The following UBE2W variants were observed in gnomAD, a reference collection of about 807,000 sequenced individuals.
UBE2W encodes ubiquitin conjugating enzyme E2 W.
In UBE2W, 18 loss-of-function variants were observed where a neutral mutation model predicts 27.2. The observed-to-expected ratio is 0.66, with a 90% CI of 0.46 to 0.98. The LOEUF is 0.98. Among genes scored for constraint, UBE2W ranks in the 50% least tolerant of loss-of-function variants. The pLI is 0.00. For synonymous variants in UBE2W, 53 were observed against 57.2 expected, an observed-to-expected ratio of 0.93 and a Z score of 0.33; for missense variants, 90 against 180.2, an observed-to-expected ratio of 0.50 and a Z score of 2.87.
At chr8:73,795,795 T>C in intron 5 of UBE2W, 2 of 984,922 alleles carry the variant, frequency 2.0e-6, no homozygotes, top group African/African-American at 1.7e-5. Flanking sequence ...ACTCACAATT[T>C]TCTTGGCAAT....
chr8:73,793,941 A>G lies in UBE2W; in HGVS notation c.*161T>C. ...TGCCTGGACTGAACCAGCGATCAAC[A>G]TGCGCCCAGAATGCACACGAGTAAA... On this transcript the variant is annotated 3_prime_UTR_variant, in exon 6 of 6. Coordinates refer to ENST00000602593, the MANE Select transcript of UBE2W (RefSeq NM_018299.6). 6.9e-7 allele frequency: 1 copy of G among 1,455,590 alleles called. No individual in the cohort carries two copies. Among genetic ancestry groups the G allele is most frequent in the Non-Finnish European group, 9.1e-7 (1 of 1,102,418 alleles). The allele number at this position is 1,455,590 out of a possible 1,614,324, so 90.2% of individuals were successfully genotyped here. A position where few individuals can be genotyped will look rare whatever the true frequency, so the allele number is the denominator to read the frequency against.
At chr8:73,826,322 G>A (rs1809832458) in intron 2 of UBE2W, among the ~76,000 whole-genome samples, 1 of 152,160 alleles carries the variant, frequency 6.6e-6, no homozygotes, top group South Asian at 2.1e-4. Flanking sequence ...GGCAGCATTA[G>A]AAGCAAAAGT....
At chr8:73,876,696 C>T (rs942350529) in intron 1 of UBE2W, among the ~76,000 whole-genome samples, 1 of 152,178 alleles carries the variant, frequency 6.6e-6, no homozygotes, top group South Asian at 2.1e-4. Flanking sequence ...AGGCCAGGCA[C>T]GGTGGCTCAC....
At chr8:73,831,267 GA>G in intron 1 of UBE2W, 1 of 267,244 alleles carries the variant, frequency 3.7e-6, no homozygotes, top group Non-Finnish European at 7.2e-6. Context: ...GATATTCAAT[GA>G]AGAAAATATT....
downstream of UBE2W, among the ~76,000 whole-genome samples, chr8:73,781,286 A>C (rs966780051): frequency 8.9e-5 from 13 of 146,176 alleles, 1 homozygote; most frequent in African/African-American, 3.4e-4. Context: ...AAAAAAAAAA[A>C]AAAGTATTAA....
chr8:73,800,210 C>T (rs1437079675), intron 5 of UBE2W, among the ~76,000 whole-genome samples: 1 of 152,126 alleles, frequency 6.6e-6, no homozygotes, highest in Non-Finnish European at 1.5e-5. Context: ...TTCTCTGCAG[C>T]CATCCTAGTT....
intron 1 of UBE2W, among the ~76,000 whole-genome samples, chr8:73,854,620 T>C (rs1317013517): frequency 6.6e-6 from 1 of 152,226 alleles, no homozygotes; most frequent in Non-Finnish European, 1.5e-5. Context: ...CTCAGATGGA[T>C]AAAATTGGTA....
chr8:73,859,762 A>G (rs1811466818), intron 1 of UBE2W, among the ~76,000 whole-genome samples: 1 of 152,200 alleles, frequency 6.6e-6, no homozygotes, highest in African/African-American at 2.4e-5. Flanking sequence ...AAGAATCTGA[A>G]GTAAAGCTCT....
chr8:73,834,497 C>G (rs796457874), intron 1 of UBE2W, among the ~76,000 whole-genome samples: 1 of 152,162 alleles, frequency 6.6e-6, no homozygotes, highest in African/African-American at 2.4e-5. Flanking sequence ...CCAAAAATAG[C>G]TGAGCACAGT....
chr8:73,846,225 C>A (rs1452281117), intron 1 of UBE2W, among the ~76,000 whole-genome samples: 1 of 152,046 alleles, frequency 6.6e-6, no homozygotes, highest in African/African-American at 2.4e-5. Context: ...GGTGAAACCT[C>A]ACCTCTACTA....
At chr8:73,815,477 A>G (rs769625919) in intron 3 of UBE2W, among the ~76,000 whole-genome samples, 9 of 152,210 alleles carry the variant, frequency 5.9e-5, no homozygotes, top group Non-Finnish European at 1.2e-4. Context: ...ATAAAAATCA[A>G]TAATTGAAAG....
chr8:73,797,715 T>C (rs1479518650), intron 5 of UBE2W, among the ~76,000 whole-genome samples: 3 of 152,230 alleles, frequency 2.0e-5, no homozygotes, highest in Admixed American at 1.3e-4. Flanking sequence ...ATGCAGTCCA[T>C]GGTTTTTAAA....
At chr8:73,851,781 G>A (rs1811088597) in intron 1 of UBE2W, among the ~76,000 whole-genome samples, 1 of 151,346 alleles carries the variant, frequency 6.6e-6, no homozygotes, top group African/African-American at 2.4e-5. Context: ...ACAAGTGGAT[G>A]TGCAAAGTGA....
chr8:73,871,195 A>G (rs758332480), intron 1 of UBE2W, among the ~76,000 whole-genome samples: 29 of 152,242 alleles, frequency 1.9e-4, no homozygotes, highest in Non-Finnish European at 4.3e-4. Flanking sequence ...GAATTCAGAA[A>G]ATCAGTTGAA....
At position 73,833,184 on chromosome 8, in the gene UBE2W, C is replaced by CAAAAAAA. The variant is rs1202478660; in HGVS notation, c.16-2719_16-2713dup. Among the ~76,000 whole-genome samples the CAAAAAAA allele has an allele frequency of 2.5e-4, 8 of 31,384 alleles. 1 individual carries two copies. Among genetic ancestry groups the CAAAAAAA allele is most frequent in the African/African-American group, 7.3e-4 (6 of 8,214 alleles). 20.6% of individuals were successfully genotyped at this position (31,384 alleles called of 152,430 possible). ...TGGGCGACAGAGTGAGACTCCACCT[C>CAAAAAAA]AAAAAAAAAAAAAAAAAAAAAAAAG... On this transcript the variant is annotated intron_variant, in intron 1 of 5. Transcript: ENST00000602593.
chr8:73,823,041 G>A (rs1809690593), intron 3 of UBE2W, among the ~76,000 whole-genome samples: 1 of 152,140 alleles, frequency 6.6e-6, no homozygotes, highest in Non-Finnish European at 1.5e-5. Context: ...GTGAAATTAA[G>A]CCTTAAAAAA....
intron 3 of UBE2W, among the ~76,000 whole-genome samples, chr8:73,818,903 C>A (rs1231039097): frequency 6.6e-6 from 1 of 152,182 alleles, no homozygotes; most frequent in Non-Finnish European, 1.5e-5. Context: ...TCTTGTACAG[C>A]CTGCAGAACT....
At chr8:73,872,344 G>A (rs1045230745) in intron 1 of UBE2W, among the ~76,000 whole-genome samples, 1 of 152,048 alleles carries the variant, frequency 6.6e-6, no homozygotes, top group African/African-American at 2.4e-5. Flanking sequence ...AGTCTATTAA[G>A]CAGTTCTACA....
At chr8:73,809,865 C>T (rs898383061) in intron 4 of UBE2W, among the ~76,000 whole-genome samples, 1 of 152,106 alleles carries the variant, frequency 6.6e-6, no homozygotes, top group Non-Finnish European at 1.5e-5. Context: ...AGGTGTAAGC[C>T]ACCGTGCCCA....
Sources: allele counts gnomAD v4.1 joint callset (sites outside exome capture counted in the v4.1 genomes callset), GRCh38; gene constraint gnomAD v4.1.1; transcripts MANE v1.5; gene names NCBI Gene and HGNC (gene_info 2026-07-23, HGNC 2026-07-21).